ZNF91: variants seen among roughly 807,000 people sequenced by gnomAD.
ZNF91 encodes zinc finger protein 91 (HPF7, HTF10).
ZNF91 carries 7 observed loss-of-function variants against 12.6 expected under a neutral mutation model. That is an observed-to-expected ratio of 0.55 (90% CI 0.31 to 1.04). The LOEUF (loss-of-function observed/expected upper bound fraction) is 1.04, where lower values mean the gene tolerates loss of function less well. Ranked by LOEUF, ZNF91 falls within the 50% of genes least tolerant of loss-of-function variation. The pLI is 0.05. For missense variants in ZNF91, 1,217 were observed against 1,385.4 expected, an observed-to-expected ratio of 0.88 and a Z score of 1.93; for synonymous variants, 453 against 462.6, an observed-to-expected ratio of 0.98 and a Z score of 0.27.
intron 1 of ZNF91, chr19:23,327,404 T>A (rs984736925): frequency 6.6e-6 from 1 of 152,198 alleles, no homozygotes; most frequent in African/African-American, 2.4e-5. Flanking sequence ...GAAGATAAGG[T>A]AGGTGTTCTG....
At chr19:23,315,265 G>A (rs570906188), upstream of ZNF91, among the ~76,000 whole-genome samples, 54 of 152,278 alleles carry the variant, frequency 3.5e-4, no homozygotes, top group South Asian at 0.011. Context: ...CAACACCTAG[G>A]TGATGTGACT....
At chr19:23,347,113 AC>A (rs149583442) in intron 3 of ZNF91, among the ~76,000 whole-genome samples, 1 of 149,328 alleles carries the variant, frequency 6.7e-6, no homozygotes, top group East Asian at 2.0e-4. Flanking sequence ...CTATAGTGTC[AC>A]CCCCCCTACA....
downstream of ZNF91, among the ~76,000 whole-genome samples, chr19:23,354,713 G>GA (rs1255330722): frequency 6.6e-6 from 1 of 152,016 alleles, no homozygotes; most frequent in Non-Finnish European, 1.5e-5. Flanking sequence ...CATTTACCTT[G>GA]AAAACCCTCA....
intron 3 of ZNF91, among the ~76,000 whole-genome samples, chr19:23,372,315 G>C (rs1374759923): frequency 2.0e-5 from 3 of 152,090 alleles, no homozygotes; most frequent in Non-Finnish European, 4.4e-5. Context: ...AGAGAACCAG[G>C]CATCATGGTT....
intron 1 of ZNF91, chr19:23,384,785 G>A (rs1391170343): frequency 3.1e-6 from 2 of 649,178 alleles, no homozygotes; most frequent in South Asian, 1.7e-5. Context: ...AAGTTCTTCC[G>A]GGCCAACAGC....
At chr19:23,311,371 C>T (rs529036202), upstream of ZNF91, among the ~76,000 whole-genome samples, 13 of 151,992 alleles carry the variant, frequency 8.6e-5, no homozygotes, top group Middle Eastern at 3.4e-3. Flanking sequence ...GCTACTTTCT[C>T]GCATAAGTCC....
intron 1 of ZNF91, among the ~76,000 whole-genome samples, chr19:23,388,873 T>TA (rs1341179234): frequency 1.3e-5 from 2 of 151,050 alleles, no homozygotes; most frequent in South Asian, 2.1e-4. Flanking sequence ...AACCATCTTT[T>TA]AAAAAAAAAG....
At chr19:23,392,874 A>C (rs1970112318) in intron 1 of ZNF91, among the ~76,000 whole-genome samples, 1 of 152,068 alleles carries the variant, frequency 6.6e-6, no homozygotes, top group Non-Finnish European at 1.5e-5. Flanking sequence ...TGTCTTCCTC[A>C]TGTGTCAAGT....
At chr19:23,347,397 G>A (rs1219101496) in intron 3 of ZNF91, among the ~76,000 whole-genome samples, 1 of 152,084 alleles carries the variant, frequency 6.6e-6, no homozygotes. Flanking sequence ...TCATTGCAGG[G>A]ACCATCAAAC....
intron 1 of ZNF91, among the ~76,000 whole-genome samples, chr19:23,382,427 T>C (rs1039259519): frequency 2.0e-5 from 3 of 152,162 alleles, no homozygotes; most frequent in African/African-American, 7.2e-5. Flanking sequence ...GACACAATAA[T>C]AGTGGGAGAC....
rs780095549 is a variant in ZNF91, at chr19:23,360,032, C to G, written c.2947G>C (p.Glu983Gln). ...KAFRKSSTLT[E>Q]HKIIHTGEKP... ...TCTCCAGTATGAATTATCTTATGTT[C>G]AGTAAGAGTTGAAGATTTCCTAAAA... is the stretch of plus-strand genomic sequence containing the variant. Residue 983 changes from glutamate to glutamine, a missense_variant, in exon 4 of 4, where the codon GAA (glutamate) becomes CAA (glutamine). By Grantham distance (29) the Glu-to-Gln change is conservative. Coordinates refer to ENST00000300619, the MANE Select transcript of ZNF91 (RefSeq NM_003430.4). The G allele has an allele frequency of 8.1e-6, 13 of 1,603,902 alleles. No individual in the cohort carries two copies. The highest frequency in any genetic ancestry group is 1.1e-5 in the Non-Finnish European group (13 of 1,176,524).
intron 1 of ZNF91, among the ~76,000 whole-genome samples, chr19:23,323,442 CCTT>C (rs1967755987): frequency 1.5e-5 from 2 of 136,810 alleles, no homozygotes; most frequent in African/African-American, 2.9e-5. Context: ...CCATTCTTTT[CCTT>C]TTTTCTCCTC....
intron 2 of ZNF91, among the ~76,000 whole-genome samples, chr19:23,374,353 C>CT (rs1001166913): frequency 7.0e-5 from 10 of 143,358 alleles, no homozygotes; most frequent in Non-Finnish European, 1.5e-4. Flanking sequence ...ACCATCCTGT[C>CT]TAACACAGTG....
chr19:23,308,740 T>A (rs1164893929), intron 2 of ZNF91: 1 of 152,232 alleles, frequency 6.6e-6, no homozygotes, highest in Non-Finnish European at 1.5e-5. Context: ...CTTTATTCTT[T>A]TTTGTGAATA....
intron 1 of ZNF91, among the ~76,000 whole-genome samples, chr19:23,323,655 CCTCCTT>C (rs1967764533): frequency 1.5e-5 from 2 of 135,902 alleles, no homozygotes; most frequent in African/African-American, 6.1e-5. Context: ...CTCCTCTCCT[CCTCCTT>C]TCCTCTTCTC....
Position 23,358,582 on chromosome 19 carries a change from T to C in ZNF91, c.*821A>G, listed in dbSNP as rs780940195. 4 of 152,388 alleles carry C rather than the reference T, an allele frequency of 2.6e-5. No homozygotes were observed. Among genetic ancestry groups the C allele is most frequent in the Non-Finnish European group, 4.4e-5 (3 of 68,128 alleles). 9.4% of individuals were successfully genotyped at this position (152,388 alleles called of 1,614,324 possible). ...ATGAACGCTCTGAATTTGAGTACGA[T>C]GTGAGCAGGTATTAATGGCTTTTTG... is the stretch of plus-strand genomic sequence containing the variant. On this transcript the variant is annotated 3_prime_UTR_variant, in exon 4 of 4. Transcript: ENST00000300619.
At chr19:23,390,298 T>C (rs995500494) in intron 1 of ZNF91, among the ~76,000 whole-genome samples, 2 of 151,912 alleles carry the variant, frequency 1.3e-5, no homozygotes, top group African/African-American at 4.8e-5. Flanking sequence ...CCTGGGCAAT[T>C]AGAGTAAAAC....
chr19:23,357,405 G>C (rs1258536282), downstream of ZNF91, among the ~76,000 whole-genome samples: 1 of 152,206 alleles, frequency 6.6e-6, no homozygotes, highest in Non-Finnish European at 1.5e-5. Context: ...ATACAAAGCA[G>C]AGTATAAATT....
At chr19:23,317,379 T>A (rs1041984970) in intron 1 of ZNF91, among the ~76,000 whole-genome samples, 4 of 151,990 alleles carry the variant, frequency 2.6e-5, no homozygotes, top group Non-Finnish European at 4.4e-5. Flanking sequence ...AGTTCATAGG[T>A]AGGTGAGGAT....
Sources: allele counts gnomAD v4.1 joint callset (sites outside exome capture counted in the v4.1 genomes callset), GRCh38; gene constraint gnomAD v4.1.1; transcripts MANE v1.5; gene names NCBI Gene and HGNC (gene_info 2026-07-23, HGNC 2026-07-21).